The following DYNC1I1 variants were observed in gnomAD, a reference collection of about 807,000 sequenced individuals.
The protein encoded by DYNC1I1 is cytoplasmic dynein 1 intermediate chain 1.
A neutral mutation model predicts 86.6 loss-of-function variants in DYNC1I1; 43 were observed. The ratio of observed to expected loss-of-function variants is 0.50; its 90% CI spans 0.39 to 0.64. The LOEUF (loss-of-function observed/expected upper bound fraction) is 0.64. DYNC1I1 is among the 30% of genes least tolerant of loss of function. The probability of loss-of-function intolerance (pLI) is 0.00; values close to 1 mark genes in which losing one functional copy is unlikely to be tolerated. For missense variants in DYNC1I1, 604 were observed against 788.8 expected, an observed-to-expected ratio of 0.77 and a Z score of 2.81; for synonymous variants, 262 against 283.7, an observed-to-expected ratio of 0.92 and a Z score of 0.77.
chr7:96,015,605 C>T (rs1451680059), intron 10 of DYNC1I1, among the ~76,000 whole-genome samples: 1 of 152,066 alleles, frequency 6.6e-6, no homozygotes. Flanking sequence ...TCAAGTTGAA[C>T]TCTGGGGAAT....
chr7:95,877,957 G>A (rs1487768654), intron 6 of DYNC1I1, among the ~76,000 whole-genome samples: 1 of 152,190 alleles, frequency 6.6e-6, no homozygotes, highest in Admixed American at 6.5e-5. Context: ...CTATGCACAT[G>A]CCCAAGGCTG....
At chr7:95,824,384 T>C (rs1485014586) in intron 4 of DYNC1I1, among the ~76,000 whole-genome samples, 1 of 152,136 alleles carries the variant, frequency 6.6e-6, no homozygotes, top group African/African-American at 2.4e-5. Context: ...TTTAGGTTCT[T>C]AATAGATGGT....
intron 7 of DYNC1I1, among the ~76,000 whole-genome samples, chr7:95,978,918 C>A (rs974334785): frequency 3.9e-5 from 6 of 152,110 alleles, no homozygotes; most frequent in Non-Finnish European, 7.4e-5. Context: ...GCCTTAGCAT[C>A]CCGAGTAGCT....
At chr7:96,032,303 T>A (rs753356959) in intron 11 of DYNC1I1, among the ~76,000 whole-genome samples, 5 of 152,200 alleles carry the variant, frequency 3.3e-5, no homozygotes, top group Non-Finnish European at 7.3e-5. Flanking sequence ...TCTTTTTCCA[T>A]CACTCTTGTT....
chr7:96,070,176 GCA>G, intron 14 of DYNC1I1, among the ~76,000 whole-genome samples: 1 of 152,252 alleles, frequency 6.6e-6, no homozygotes, highest in South Asian at 2.1e-4. Flanking sequence ...AAATTAAGTT[GCA>G]AATAAAGTTT....
downstream of DYNC1I1, chr7:96,110,273 A>G (rs779565409): frequency 9.9e-6 from 2 of 202,056 alleles, no homozygotes; most frequent in Non-Finnish European, 2.1e-5. Context: ...TCAATATGAA[A>G]TGTTGCTGTT....
chr7:95,797,955 G>T (rs1872382), intron 1 of DYNC1I1, among the ~76,000 whole-genome samples: 94,627 of 151,396 alleles, frequency 0.63, 30,346 homozygotes, highest in African/African-American at 0.76. Flanking sequence ...CTTTTTTTTT[G>T]GTCTTGGAAA....
intron 9 of DYNC1I1, among the ~76,000 whole-genome samples, chr7:95,994,548 A>T (rs1793810903): frequency 6.6e-6 from 1 of 152,114 alleles, no homozygotes; most frequent in African/African-American, 2.4e-5. Flanking sequence ...AGGTACAGAG[A>T]TGTACCTGTG....
At chr7:96,023,919 T>A (rs1794614968) in intron 10 of DYNC1I1, among the ~76,000 whole-genome samples, 1 of 152,176 alleles carries the variant, frequency 6.6e-6, no homozygotes, top group Non-Finnish European at 1.5e-5. Context: ...ATTTTGCTTG[T>A]CCGAACTTGG....
intron 8 of DYNC1I1, 143 bp downstream of exon 8, chr7:95,985,120 A>G (rs781754892): frequency 7.9e-6 from 9 of 1,144,212 alleles, no homozygotes; most frequent in African/African-American, 1.6e-5. Flanking sequence ...AACAGCTTTG[A>G]CTATGGGCTT....
chr7:95,824,444 T>G (rs1795160897), intron 4 of DYNC1I1, among the ~76,000 whole-genome samples: 1 of 152,194 alleles, frequency 6.6e-6, no homozygotes, highest in South Asian at 2.1e-4. Flanking sequence ...CTCCTCTGCA[T>G]GCATTGATTG....
At chr7:95,914,724 A>T (rs1249640402) in intron 6 of DYNC1I1, among the ~76,000 whole-genome samples, 1 of 152,184 alleles carries the variant, frequency 6.6e-6, no homozygotes, top group African/African-American at 2.4e-5. Context: ...CGTTTGAGGA[A>T]TTGGCATTTG....
intron 9 of DYNC1I1, among the ~76,000 whole-genome samples, chr7:95,995,151 G>A (rs764781371): frequency 2.0e-5 from 3 of 152,056 alleles, no homozygotes; most frequent in Admixed American, 1.3e-4. Flanking sequence ...GGAGGCTGAG[G>A]CAGGAGAATG....
At chr7:96,007,990 C>T (rs1794183129) in intron 10 of DYNC1I1, among the ~76,000 whole-genome samples, 1 of 152,174 alleles carries the variant, frequency 6.6e-6, no homozygotes, top group Non-Finnish European at 1.5e-5. Flanking sequence ...TGCTGAGACC[C>T]ATATACCCTC....
At chr7:95,780,891 G>T (rs1187723350) in intron 1 of DYNC1I1, among the ~76,000 whole-genome samples, 1 of 152,034 alleles carries the variant, frequency 6.6e-6, no homozygotes, top group African/African-American at 2.4e-5. Context: ...TTGACACAAT[G>T]TTCCCTTTTA....
intron 1 of DYNC1I1, among the ~76,000 whole-genome samples, chr7:95,789,212 G>C (rs1054973253): frequency 4.0e-4 from 61 of 152,184 alleles, no homozygotes; most frequent in Non-Finnish European, 5.9e-5. Flanking sequence ...GCCAGGGTAG[G>C]GAATTTGCAG....
chr7:95,897,445 GA>G (rs76495303), intron 6 of DYNC1I1, among the ~76,000 whole-genome samples: 27,560 of 147,762 alleles, frequency 0.19, 3,044 homozygotes, highest in East Asian at 0.26. Flanking sequence ...TATTGACCAT[GA>G]TTTTTTTTTT....
chr7:96,107,970 A>T (rs1195437978), intron 16 of DYNC1I1, among the ~76,000 whole-genome samples: 1 of 145,906 alleles, frequency 6.9e-6, no homozygotes, highest in South Asian at 2.2e-4. Flanking sequence ...CTTATTGAGG[A>T]TCCCTTGTAT....
At chr7:95,906,873 G>C (rs977795702) in intron 6 of DYNC1I1, among the ~76,000 whole-genome samples, 1 of 152,146 alleles carries the variant, frequency 6.6e-6, no homozygotes, top group African/African-American at 2.4e-5. Context: ...TTGCTTGCAA[G>C]TGGCTGATTC....
Sources: allele counts gnomAD v4.1 joint callset (sites outside exome capture counted in the v4.1 genomes callset), GRCh38; gene constraint gnomAD v4.1.1; transcripts MANE v1.5; gene names NCBI Gene and HGNC (gene_info 2026-07-23, HGNC 2026-07-21).